The following NFX1 variants were observed in gnomAD, a reference collection of about 807,000 sequenced individuals.
NFX1 encodes the protein transcriptional repressor NF-X1.
NFX1 carries 69 observed loss-of-function variants against 137.2 expected under a neutral mutation model. The ratio of observed to expected loss-of-function variants is 0.50; its 90% CI spans 0.41 to 0.61. The LOEUF (loss-of-function observed/expected upper bound fraction) is 0.61. NFX1 is among the 20% of genes least tolerant of loss of function. The pLI is 0.00. For missense variants in NFX1, 1,167 were observed against 1,391.0 expected (o/e 0.84, Z 2.56); for synonymous variants, 495 against 474.1 (o/e 1.04, Z -0.57).
intron 6 of NFX1, among the ~76,000 whole-genome samples, chr9:33,313,271 A>G (rs1273910333): frequency 6.6e-6 from 1 of 152,132 alleles, no homozygotes. Flanking sequence ...CAGGATGGAA[A>G]AGAAAAAGAA....
At chr9:33,335,989 A>G (rs901554471) in intron 11 of NFX1, among the ~76,000 whole-genome samples, 12 of 152,170 alleles carry the variant, frequency 7.9e-5, no homozygotes, top group Non-Finnish European at 1.6e-4. Context: ...TAGTGCTGTT[A>G]TGAACATTTG....
At chr9:33,360,613 AT>A (rs1310994515) in intron 19 of NFX1, among the ~76,000 whole-genome samples, 8 of 152,226 alleles carry the variant, frequency 5.3e-5, no homozygotes, top group Admixed American at 2.0e-4. Context: ...AGTTATATCT[AT>A]ATATACACAC....
chr9:33,338,218 G>T (rs1300423622), intron 11 of NFX1, among the ~76,000 whole-genome samples: 1 of 151,840 alleles, frequency 6.6e-6, no homozygotes, highest in Non-Finnish European at 1.5e-5. Context: ...AGCTGGGTGT[G>T]GTGGCAGGCA....
intron 19 of NFX1, among the ~76,000 whole-genome samples, chr9:33,363,485 T>C (rs1284890673): frequency 6.6e-6 from 1 of 151,916 alleles, no homozygotes; most frequent in Non-Finnish European, 1.5e-5. Context: ...GGTTTCACCA[T>C]ATTGGCCAGG....
rs373353689 is a variant in NFX1, at chr9:33,290,590, T to C, written c.18T>C (p.Pro6=). 1.2e-6 allele frequency: 2 copies of C among 1,613,864 alleles called. No homozygotes were observed. Among genetic ancestry groups the C allele is most frequent in the South Asian group, 1.1e-5 (1 of 91,070 alleles). The change falls in exon 1 of 24, where the codon CCT becomes CCC. Residue 6 remains proline (P), a synonymous_variant. Coordinates refer to ENST00000379540, the MANE Select transcript of NFX1 (RefSeq NM_002504.6). ...GGCACGGGATGGCGGAGGCGCCTCCTGTCTCAGGTATTGTCCCGGCCCGAG... is the reference window on the plus strand; with the variant it reads ...GGCACGGGATGGCGGAGGCGCCTCCCGTCTCAGGTATTGTCCCGGCCCGAG... MAEAP[P]VSGTFKFNTD... is the part of the protein sequence containing the mutation.
intron 7 of NFX1, among the ~76,000 whole-genome samples, chr9:33,315,881 A>T (rs1230881160): frequency 1.2e-5 from 1 of 84,872 alleles, no homozygotes; most frequent in Non-Finnish European, 2.5e-5. Flanking sequence ...GACAGTACCC[A>T]CCTCTGTCTC....
At chr9:33,342,046 G>A (rs1823241601) in intron 12 of NFX1, among the ~76,000 whole-genome samples, 1 of 151,930 alleles carries the variant, frequency 6.6e-6, no homozygotes, top group African/African-American at 2.4e-5. Context: ...AACCCAGGAG[G>A]TGGAGGTTGC....
intron 6 of NFX1, among the ~76,000 whole-genome samples, chr9:33,313,180 A>G (rs917766005): frequency 7.2e-5 from 11 of 152,184 alleles, no homozygotes; most frequent in Non-Finnish European, 1.6e-4. Context: ...TGCTTCATGG[A>G]ACTCAGAGAT....
At chr9:33,353,429 T>TC (rs1823710659) in intron 17 of NFX1, among the ~76,000 whole-genome samples, 6 of 152,094 alleles carry the variant, frequency 3.9e-5, no homozygotes, top group Admixed American at 3.9e-4. Flanking sequence ...AATGGTTATA[T>TC]ATATATATAT....
chr9:33,368,442 G>A (rs199963322), intron 23 of NFX1, among the ~76,000 whole-genome samples: 5 of 152,268 alleles, frequency 3.3e-5, no homozygotes, highest in African/African-American at 9.6e-5. Flanking sequence ...TCTCAGACAG[G>A]AGCAGGGAAG....
intron 1 of NFX1, among the ~76,000 whole-genome samples, chr9:33,291,638 T>C (rs1821165857): frequency 6.6e-6 from 1 of 152,246 alleles, no homozygotes; most frequent in South Asian, 2.1e-4. Context: ...GCGTGGTGGC[T>C]CACGCCTGTA....
In NFX1 at chr9:33,364,729, T is replaced by C; in HGVS notation, c.2994T>C (p.Ser998=). The change falls in exon 21 of 24, where the codon AGT becomes AGC. Residue 998 remains serine (S), a synonymous_variant. Transcript: ENST00000379540. Reference sequence around the variant, plus strand: ...TCAGGAAGGACTTAAAGTTTGTCAGTGACGTTGAGAAGGAAATGGAAACCC... The same window carrying C: ...TCAGGAAGGACTTAAAGTTTGTCAGCGACGTTGAGAAGGAAATGGAAACCC... ...EDARKDLKFV[S]DVEKEMETLV... is the part of the protein sequence containing the mutation. The C allele has an allele frequency of 6.2e-7, 1 of 1,613,494 alleles. No homozygotes were observed. The highest frequency in any genetic ancestry group is 1.1e-5 in the South Asian group (1 of 90,970).
Position 33,295,141 on chromosome 9 carries a change from A to G in NFX1, c.747A>G (p.Glu249=). Residue 249 remains glutamate, a synonymous_variant, in exon 2 of 24, where the codon GAA becomes GAG. Coordinates refer to ENST00000379540, the MANE Select transcript of NFX1 (RefSeq NM_002504.6). ...RRYPQKRPPW[E]VEGARPRPGR... ...ACCCACAGAAAAGGCCTCCCTGGGAAGTGGAGGGGGCCAGGCCACGACCAG... is the reference window on the plus strand; with the variant it reads ...ACCCACAGAAAAGGCCTCCCTGGGAGGTGGAGGGGGCCAGGCCACGACCAG... 1 of 1,614,160 alleles carries G rather than the reference A, an allele frequency of 6.2e-7. No homozygotes were observed. Among genetic ancestry groups the G allele is most frequent in the Non-Finnish European group, 8.5e-7 (1 of 1,180,002 alleles).
chr9:33,357,022 G>A (rs1009193249), intron 19 of NFX1, among the ~76,000 whole-genome samples: 3 of 151,506 alleles, frequency 2.0e-5, no homozygotes, highest in Admixed American at 6.6e-5. Flanking sequence ...AGCCGGGCAT[G>A]GTGGCTCACC....
chr9:33,326,162 C>G (rs1822580002), intron 9 of NFX1, among the ~76,000 whole-genome samples: 1 of 152,110 alleles, frequency 6.6e-6, no homozygotes, highest in South Asian at 2.1e-4. Context: ...CCTGTAATCC[C>G]AGCTCTTTGG....
chr9:33,358,978 C>T (rs1011679535), intron 19 of NFX1, among the ~76,000 whole-genome samples: 3 of 151,678 alleles, frequency 2.0e-5, no homozygotes, highest in Non-Finnish European at 2.9e-5. Flanking sequence ...GGTTTACAGG[C>T]GTGAGCCACC....
At chr9:33,306,795 C>T (rs181211311) in intron 4 of NFX1, among the ~76,000 whole-genome samples, 1 of 152,170 alleles carries the variant, frequency 6.6e-6, no homozygotes, top group African/African-American at 2.4e-5. Flanking sequence ...CTGCCTCCCC[C>T]CTTTCCCCAC....
intron 11 of NFX1, among the ~76,000 whole-genome samples, chr9:33,333,503 A>G (rs1450455510): frequency 1.3e-5 from 2 of 152,188 alleles, no homozygotes; most frequent in East Asian, 1.9e-4. Context: ...TCTCTGCCCA[A>G]CAACATCTAA....
intron 9 of NFX1, among the ~76,000 whole-genome samples, chr9:33,327,503 T>A (rs1179941429): frequency 6.6e-6 from 1 of 152,200 alleles, no homozygotes; most frequent in African/African-American, 2.4e-5. Flanking sequence ...TCGCTGGGAT[T>A]ACAGGTGGGC....
Sources: allele counts gnomAD v4.1 joint callset (sites outside exome capture counted in the v4.1 genomes callset), GRCh38; gene constraint gnomAD v4.1.1; transcripts MANE v1.5; gene names NCBI Gene and HGNC (gene_info 2026-07-23, HGNC 2026-07-21).